The following FH variants were observed in gnomAD, a reference collection of about 807,000 sequenced individuals.
FH encodes the protein fumarate hydratase, also known as fumarate hydratase, mitochondrial.
In FH, 22 loss-of-function variants were observed where a neutral mutation model predicts 49.4. The ratio of observed to expected loss-of-function variants is 0.45; its 90% CI spans 0.32 to 0.64. The LOEUF is 0.64. Among genes scored for constraint, FH ranks in the 30% least tolerant of loss-of-function variants. The probability of loss-of-function intolerance (pLI) is 0.05; values close to 1 mark genes in which losing one functional copy is unlikely to be tolerated. For missense variants in FH, 526 were observed against 641.5 expected (o/e 0.82, Z 1.95); for synonymous variants, 208 against 223.0 (o/e 0.93, Z 0.60).
chr1:241,510,515 A>T (rs527721144), intron 4 of FH, among the ~76,000 whole-genome samples: 4 of 152,334 alleles, frequency 2.6e-5, no homozygotes, highest in Non-Finnish European at 5.9e-5. Flanking sequence ...AATAAATGGG[A>T]CAGAGAGAAC....
At chr1:241,512,910 GGTGTGTGTGT>G (rs10548903) in intron 3 of FH, among the ~76,000 whole-genome samples, 2 of 148,350 alleles carry the variant, frequency 1.3e-5, no homozygotes, top group African/African-American at 2.5e-5. Flanking sequence ...ATGCAATGAG[GGTGTGTGTGT>G]GTGTGTGTGT....
intron 5 of FH, 151 bp from the exon 6 acceptor site, chr1:241,506,319 T>C (rs975431953): frequency 4.6e-6 from 3 of 650,092 alleles, no homozygotes. Flanking sequence ...TCAAATCTTA[T>C]GATGAGCAAA....
chr1:241,504,542 G>C (rs529207374), intron 6 of FH, among the ~76,000 whole-genome samples: 56 of 152,144 alleles, frequency 3.7e-4, no homozygotes, highest in African/African-American at 1.3e-3. Context: ...CCATGGCTCA[G>C]GCAATCCTCC....
At chr1:241,516,237 C>T (rs1225100438) in intron 2 of FH, among the ~76,000 whole-genome samples, 3 of 152,050 alleles carry the variant, frequency 2.0e-5, no homozygotes, top group Non-Finnish European at 4.4e-5. Flanking sequence ...TAACTATTCA[C>T]AATAGCAAAG....
intron 8 of FH, 73 bp downstream of exon 8, chr1:241,502,370 G>C (rs2147914751): frequency 6.4e-7 from 1 of 1,573,238 alleles, no homozygotes; most frequent in Non-Finnish European, 8.7e-7. Flanking sequence ...ATCACTAGAA[G>C]TCTTTATGAA....
At chr1:241,506,629 T>C (rs187975114) in intron 5 of FH, among the ~76,000 whole-genome samples, 1 of 152,302 alleles carries the variant, frequency 6.6e-6, no homozygotes, top group African/African-American at 2.4e-5. Flanking sequence ...ACAATTTCAG[T>C]GTATAAACCT....
intron 8 of FH, among the ~76,000 whole-genome samples, chr1:241,501,465 T>C (rs1170816142): frequency 8.5e-5 from 13 of 152,140 alleles, no homozygotes; most frequent in Non-Finnish European, 1.5e-5. Context: ...GAGAGCAAAA[T>C]TTTAACAGTC....
chr1:241,509,778 AACACACACAC>A (rs71174810), intron 4 of FH, among the ~76,000 whole-genome samples: 2,510 of 139,362 alleles, frequency 0.018, 60 homozygotes, highest in East Asian at 0.076. Flanking sequence ...ACAATCTCTA[AACACACACAC>A]ACACACACAC....
intron 3 of FH, among the ~76,000 whole-genome samples, chr1:241,512,462 A>AGATGTTATTGCCAGAGTCAGCATGCTAT (rs1298724668): frequency 1.4e-4 from 22 of 152,352 alleles, no homozygotes; most frequent in Admixed American, 2.0e-4. Flanking sequence ...AATATCCAAC[A>AGATGTTATTGCCAGAGTCAGCATGCTAT]GATGTTATTG....
At chr1:241,513,992 CAT>C (rs1375798960) in intron 2 of FH, among the ~76,000 whole-genome samples, 8 of 152,106 alleles carry the variant, frequency 5.3e-5, no homozygotes, top group Non-Finnish European at 1.0e-4. Context: ...CATATACACA[CAT>C]ATTCACACGA....
intron 3 of FH, among the ~76,000 whole-genome samples, 191 bp downstream of exon 3, chr1:241,513,412 A>G (rs1660138709): frequency 6.6e-6 from 1 of 152,228 alleles, no homozygotes; most frequent in Non-Finnish European, 1.5e-5. Flanking sequence ...AAAATCATCC[A>G]GAAATTTTGT....
At chr1:241,502,251 T>C (rs1407627105) in intron 8 of FH, among the ~76,000 whole-genome samples, 192 bp downstream of exon 8, 1 of 152,040 alleles carries the variant, frequency 6.6e-6, no homozygotes, top group Non-Finnish European at 1.5e-5. Flanking sequence ...AAACATCAAA[T>C]TGCTTAGGTT....
At chr1:241,506,345 A>G (rs1461634935) in intron 5 of FH, among the ~76,000 whole-genome samples, 177 bp from the exon 6 acceptor site, 3 of 152,224 alleles carry the variant, frequency 2.0e-5, no homozygotes, top group Non-Finnish European at 4.4e-5. Flanking sequence ...GGGAAGGATG[A>G]GGGTTTATAG....
Position 241,504,179 on chromosome 1 carries a change from A to G in FH, c.971T>C (p.Leu324Pro). The G allele has an allele frequency of 6.2e-7, 1 of 1,614,216 alleles. No homozygotes were observed. The highest frequency in any genetic ancestry group is 8.5e-7 in the Non-Finnish European group (1 of 1,180,014). Residue 324 changes from leucine (L) to proline (P), a missense_variant, in exon 7 of 10, where the codon CTC (leucine) becomes CCC (proline). Leu to Pro is a moderately conservative substitution (Grantham distance 98). This residue lies in a region of FH where 383 missense variants were observed against 514.0 expected (regional missense o/e 0.75). Transcript: ENST00000366560. ...ALAAHDALVE[L>P]SGAMNTTACS... ...GGCAGTAGTGTTCATGGCTCCACTG[A>G]GCTCAACCAGAGCGTCATGAGCAGC...
chr1:241,511,379 C>A (rs1660078951), intron 4 of FH, among the ~76,000 whole-genome samples: 1 of 152,188 alleles, frequency 6.6e-6, no homozygotes. Context: ...ATAAGCCAGT[C>A]AGTCTATTGT....
rs199536615 is a variant in FH, at chr1:241,508,693, A to T, written c.648T>A (p.Asp216Glu). Residue 216 changes from aspartate to glutamate, a missense_variant, in exon 5 of 10, where the codon GAT becomes GAA. Coordinates refer to ENST00000366560, the MANE Select transcript of FH (RefSeq NM_000143.4). ...VLLPGLQKLHDALDAKSKEFA... is the reference protein window; with the variant it reads ...VLLPGLQKLHEALDAKSKEFA... ...ACTCTTTGGATTTTGCATCAAGAGC[A>T]TCATGTAACTTCTGTAGTCCTGGTA... 113 of 1,613,582 alleles carry T rather than the reference A, an allele frequency of 7.0e-5. No homozygotes were observed. Among genetic ancestry groups the T allele is most frequent in the Non-Finnish European group, 9.3e-5 (110 of 1,179,610 alleles).
At chr1:241,502,784 T>G (rs1205719498) in intron 7 of FH, among the ~76,000 whole-genome samples, 1 of 152,156 alleles carries the variant, frequency 6.6e-6, no homozygotes, top group Non-Finnish European at 1.5e-5. Flanking sequence ...CAACTACACA[T>G]TAAATATAGT....
chr1:241,507,108 A>G (rs1233497167), intron 5 of FH, among the ~76,000 whole-genome samples: 26 of 152,184 alleles, frequency 1.7e-4, no homozygotes, highest in Admixed American at 1.7e-3. Context: ...GTTTCAGCCA[A>G]CGAAAGATCA....
chr1:241,518,889 G>A (rs1256449056), intron 1 of FH, among the ~76,000 whole-genome samples: 1 of 152,208 alleles, frequency 6.6e-6, no homozygotes, highest in Non-Finnish European at 1.5e-5. Flanking sequence ...TGAATAAAAA[G>A]TACCGATTCA....
Sources: gnomAD v4.1 joint callset for allele counts (sites outside exome capture counted in the v4.1 genomes callset) on GRCh38, gnomAD v4.1.1 for gene constraint, gnomAD v4.1.1 regional missense constraint, MANE v1.5 for transcripts, NCBI Gene and HGNC (gene_info 2026-07-23, HGNC 2026-07-21) for gene names.